Variants in PCDHGA8 observed in about 807,000 individuals in gnomAD.
PCDHGA8 encodes the protein protocadherin gamma-A8.
PCDHGA8 carries 45 observed loss-of-function variants against 59.2 expected under a neutral mutation model. That is an observed-to-expected ratio of 0.76 (90% CI 0.60 to 0.98). The LOEUF is 0.98. Among genes scored for constraint, PCDHGA8 ranks in the 50% least tolerant of loss-of-function variants. The pLI, the probability that PCDHGA8 is intolerant of heterozygous loss-of-function variation, is 0.00. For synonymous variants in PCDHGA8, 531 were observed against 519.0 expected (o/e 1.02, Z -0.32); for missense variants, 1,257 against 1,196.2 (o/e 1.05, Z -0.75).
At chr5:141,506,668 C>A (rs2099855518) in intron 3 of PCDHGA8, among the ~76,000 whole-genome samples, 1 of 152,100 alleles carries the variant, frequency 6.6e-6, no homozygotes, top group Admixed American at 6.6e-5. Context: ...AGTAAGGGCA[C>A]AATATATTAT....
chr5:141,478,271 A>G, intron 1 of PCDHGA8: 1 of 1,614,170 alleles, frequency 6.2e-7, no homozygotes, highest in Non-Finnish European at 8.5e-7. Flanking sequence ...CAAAGTTTAC[A>G]AGTGGAAGCA....
At chr5:141,418,669 C>T (rs2096278985) in intron 1 of PCDHGA8, 1 of 1,614,018 alleles carries the variant, frequency 6.2e-7, no homozygotes, top group Non-Finnish European at 8.5e-7. Flanking sequence ...CTGACCAGGA[C>T]GAGGGCATCA....
At chr5:141,456,453 A>G (rs1395554812) in intron 1 of PCDHGA8, among the ~76,000 whole-genome samples, 1 of 152,190 alleles carries the variant, frequency 6.6e-6, no homozygotes, top group Non-Finnish European at 1.5e-5. Flanking sequence ...GAGTCCAAAT[A>G]TCAATACAAG....
At chr5:141,422,709 T>A in intron 1 of PCDHGA8, 1 of 1,603,558 alleles carries the variant, frequency 6.2e-7, no homozygotes, top group Admixed American at 1.7e-5. Flanking sequence ...CTCTGACGGA[T>A]GACACTGTCC....
At chr5:141,420,625 T>C (rs1440415745) in intron 1 of PCDHGA8, among the ~76,000 whole-genome samples, 1 of 152,242 alleles carries the variant, frequency 6.6e-6, no homozygotes, top group Non-Finnish European at 1.5e-5. Flanking sequence ...CTTCATTTAC[T>C]CAATAAAGGA....
chr5:141,419,769 C>G (rs773303779), intron 1 of PCDHGA8: 3 of 1,613,888 alleles, frequency 1.9e-6, no homozygotes, highest in Non-Finnish European at 2.5e-6. Context: ...GACAAGGACT[C>G]GGTCCGCCAG....
chr5:141,414,648 T>G (rs2095770464), intron 1 of PCDHGA8: 2 of 1,613,844 alleles, frequency 1.2e-6, no homozygotes, highest in Non-Finnish European at 1.7e-6. Context: ...ATGCCCAGAT[T>G]ATTTACTCCC....
In PCDHGA8 at chr5:141,476,584, C is replaced by G. The variant is rs140544807; in HGVS notation, c.2425-18223C>G. ...TGGCTCCGGGGACGCGCTTTCCGCTCGAGAGCGCGCACGATCCCGATGTGG... is the reference window on the plus strand; with the variant it reads ...TGGCTCCGGGGACGCGCTTTCCGCTGGAGAGCGCGCACGATCCCGATGTGG... On this transcript the variant is annotated intron_variant, in intron 1 of 3. Coordinates refer to ENST00000398604, the MANE Select transcript of PCDHGA8 (RefSeq NM_032088.2). This position sits in a 1 kb window ranked among gnomAD's most constrained non-coding sequence, Gnocchi z 7.6. 1.2e-5 allele frequency: 19 copies of G among 1,614,100 alleles called. No homozygotes were observed. The African/African-American group carries it at 2.3e-4, about 19-fold the overall frequency.
Position 141,392,866 on chromosome 5 carries a change from C to T in PCDHGA8, c.53C>T (p.Ala18Val), listed in dbSNP as rs1000509941. The stretch of plus-strand genomic sequence containing the variant: ...CGCGGCGAGCTGATCCTGCTGTGCG[C>T]GCTGCTGGGAACGCTGTGGGAAATC... Reference protein sequence around the residue: ...PRRGELILLCALLGTLWEIGR... With the variant: ...PRRGELILLCVLLGTLWEIGR... The change falls in exon 1 of 4, where the codon GCG (alanine) becomes GTG (valine). Residue 18 changes from alanine (A) to valine (V), a missense_variant. Ala to Val is a moderately conservative substitution (Grantham distance 64). Transcript: ENST00000398604. 7 of 1,612,962 alleles carry T rather than the reference C, an allele frequency of 4.3e-6. No individual in the cohort carries two copies. The highest frequency in any genetic ancestry group is 3.3e-4 in the Middle Eastern group (2 of 6,060).
chr5:141,401,725 T>C lies in PCDHGA8; in HGVS notation c.2424+6488T>C, dbSNP rs2094187242. Among the ~76,000 whole-genome samples the C allele has an allele frequency of 2.0e-5, 3 of 152,322 alleles. No individual in the cohort carries two copies. In the South Asian group the frequency reaches 6.2e-4, roughly 32 times the overall value. ...ATTCCATTTTTAAGACAAAAACTAC[T>C]AGTCTTGTGTACATACAAAGCTCCC... On this transcript the variant is annotated intron_variant, in intron 1 of 3. Coordinates refer to ENST00000398604, the MANE Select transcript of PCDHGA8 (RefSeq NM_032088.2).
At chr5:141,510,831 A>T (rs2154594660) in intron 3 of PCDHGA8, 116 bp from the exon 4 acceptor site, 1 of 1,577,022 alleles carries the variant, frequency 6.3e-7, no homozygotes, top group East Asian at 2.2e-5. Context: ...CCCAGTGCTC[A>T]GCGTGGTCAA....
At chr5:141,502,480 AC>A (rs145333712) in intron 2 of PCDHGA8, among the ~76,000 whole-genome samples, 7,822 of 152,242 alleles carry the variant, frequency 0.051, 439 homozygotes, top group African/African-American at 0.14. Flanking sequence ...GCAGCATCAC[AC>A]TGGGACTCAT....
rs368155258 is a variant in PCDHGA8 at position 141,394,236 on chromosome 5, A to T, written c.1423A>T (p.Thr475Ser). 3.1e-5 allele frequency: 50 copies of T among 1,613,818 alleles called. No individual in the cohort carries two copies. The highest frequency in any genetic ancestry group is 3.9e-5 in the Non-Finnish European group (46 of 1,179,848). Residue 475 changes from threonine to serine, a missense_variant, in exon 1 of 4, where the codon ACT (threonine) becomes TCT (serine). Thr to Ser is a moderately conservative substitution (Grantham distance 58). Transcript: ENST00000398604. ...GAGAGGAGCCTCCATCTTTTCCTTG[A>T]CTGCACACGACCCCGACAGCCAGGA... Reference protein sequence around the residue: ...NLRGASIFSLTAHDPDSQENA... With the variant: ...NLRGASIFSLSAHDPDSQENA...
chr5:141,426,978 G>A (rs1383521288), intron 1 of PCDHGA8: 1 of 456,770 alleles, frequency 2.2e-6, no homozygotes, highest in Non-Finnish European at 4.4e-6. Flanking sequence ...TGAGGTCACT[G>A]ATGCCAACGA....
Position 141,487,622 on chromosome 5 carries a change from C to A in PCDHGA8, c.2425-7185C>A. 1 of 1,614,174 alleles carries A rather than the reference C, an allele frequency of 6.2e-7. No homozygotes were observed. Among genetic ancestry groups the A allele is most frequent in the Non-Finnish European group, 8.5e-7 (1 of 1,180,030 alleles). ...TCTTCTCTATGGGCTAGAGGTGAGACCTTTGCAGGCTCAACAAATGCTTGA... is the reference window on the plus strand; with the variant it reads ...TCTTCTCTATGGGCTAGAGGTGAGAACTTTGCAGGCTCAACAAATGCTTGA... On this transcript the variant is annotated intron_variant, in intron 1 of 3. Transcript: ENST00000398604. The surrounding 1 kb of genome is among the most constrained non-coding windows in gnomAD (Gnocchi z 5.0).
chr5:141,400,212 C>G (rs773459521), intron 1 of PCDHGA8: 4 of 1,614,058 alleles, frequency 2.5e-6, no homozygotes, highest in Non-Finnish European at 3.4e-6. Context: ...TGGCCTTGAT[C>G]TCAGTGCTCT....
intron 1 of PCDHGA8, chr5:141,478,831 G>C: frequency 7.0e-7 from 1 of 1,435,672 alleles, no homozygotes; most frequent in Non-Finnish European, 9.1e-7. Flanking sequence ...ATCTTGCTAA[G>C]GGATGGTTAA....
In PCDHGA8 at chr5:141,490,376, C is replaced by T. The variant is rs761956816; in HGVS notation, c.2425-4431C>T. 2 of 1,614,184 alleles carry T rather than the reference C, an allele frequency of 1.2e-6. No individual in the cohort carries two copies. The highest frequency in any genetic ancestry group is 1.7e-6 in the Non-Finnish European group (2 of 1,180,036). ...TTGTTTAATGTGCGAGACCGGGACT[C>T]AGGTAGAAATGGTGAAGTGAGCCTT... is the stretch of plus-strand genomic sequence containing the variant. On this transcript the variant is annotated intron_variant, in intron 1 of 3. Transcript: ENST00000398604. The surrounding 1 kb of genome is among the most constrained non-coding windows in gnomAD (Gnocchi z 5.4).
chr5:141,426,166 G>A (rs545570121), intron 1 of PCDHGA8: 4 of 155,070 alleles, frequency 2.6e-5, no homozygotes, highest in South Asian at 2.0e-4. Context: ...GATTCCATAC[G>A]GATTGGGGTG....
Sources: gnomAD v4.1 joint callset for allele counts (sites outside exome capture counted in the v4.1 genomes callset) on GRCh38, gnomAD v4.1.1 for gene constraint, Gnocchi (gnomAD v3.1) non-coding constraint, MANE v1.5 for transcripts, NCBI Gene and HGNC (gene_info 2026-07-23, HGNC 2026-07-21) for gene names.